TLR3: variants seen among roughly 807,000 people sequenced by gnomAD.
TLR3 encodes toll-like receptor 3.
In TLR3, 43 loss-of-function variants were observed where a neutral mutation model predicts 66.4. That is an observed-to-expected ratio of 0.65 (90% CI 0.51 to 0.83). TLR3 has a LOEUF of 0.83. Ranked by LOEUF, TLR3 falls within the 40% of genes least tolerant of loss-of-function variation. TLR3 has a pLI of 0.00. For synonymous variants in TLR3, 397 were observed against 397.2 expected (o/e 1.00, Z 0.01); for missense variants, 982 against 1,044.6 (o/e 0.94, Z 0.83).
intron 2 of TLR3, among the ~76,000 whole-genome samples, chr4:186,078,314 T>C (rs2099302791): frequency 6.6e-6 from 1 of 152,168 alleles, no homozygotes; most frequent in African/African-American, 2.4e-5. Context: ...TATTCTGTAC[T>C]AGTCATGACT....
At chr4:186,084,370 G>T (rs746876925) in intron 4 of TLR3, among the ~76,000 whole-genome samples, 198 bp downstream of exon 4, 1 of 151,920 alleles carries the variant, frequency 6.6e-6, no homozygotes, top group African/African-American at 2.4e-5. Context: ...ACAGGCACGC[G>T]CCACCAAGCC....
rs79099557 is a variant in TLR3 at position 186,071,614 on chromosome 4, C to T, written c.-8+2366C>T. Among the ~76,000 whole-genome samples the T allele has an allele frequency of 5.5e-3, 841 of 152,214 alleles. 8 individuals carry two copies. The highest frequency in any genetic ancestry group is 0.019 in the African/African-American group (786 of 41,536). ...CTGTGGATATAAAGAATGTGCACAG[C>T]TTTACAATGATTAGTGCCAGAGTTG... On this transcript the variant is annotated intron_variant, in intron 1 of 4. Coordinates refer to ENST00000296795, the MANE Select transcript of TLR3 (RefSeq NM_003265.3).
In TLR3 at chr4:186,085,671, G is replaced by A. The variant is rs946933784; in HGVS notation, c.*798G>A. On this transcript the variant is annotated 3_prime_UTR_variant, in exon 5 of 5. Transcript: ENST00000296795. ...GTTGGCAAAATCACTTGGTCCCACT[G>A]GGATTCTTTGACTCCTGATCTTGAA... 6.6e-6 allele frequency: 1 copy of A among 152,142 alleles called. No individual in the cohort carries two copies. Among genetic ancestry groups the A allele is most frequent in the Non-Finnish European group, 1.5e-5 (1 of 68,036 alleles). The allele number at this position is 152,142 out of a possible 1,614,324, so 9.4% of individuals were successfully genotyped here.
chr4:186,083,126 A>G lies in TLR3; in HGVS notation c.1440A>G (p.Pro480=). The G allele has an allele frequency of 6.2e-7, 1 of 1,614,194 alleles. No homozygotes were observed. Among genetic ancestry groups the G allele is most frequent in the Non-Finnish European group, 8.5e-7 (1 of 1,180,020 alleles). Residue 480 remains proline (P), a synonymous_variant, in exon 4 of 5, where the codon CCA becomes CCG. Transcript: ENST00000296795. The surrounding 1 kb of genome is among the most constrained non-coding windows in gnomAD (Gnocchi z 4.0). ...QLTRNSFALV[P]SLQRLMLRRV... The stretch of plus-strand genomic sequence containing the variant: ...CTAGGAACTCCTTTGCCTTGGTCCC[A>G]AGCCTTCAACGACTGATGCTCCGAA...
chr4:186,084,186 G>A lies in TLR3; in HGVS notation c.2486+14G>A, dbSNP rs376868309. 14 of 1,610,180 alleles carry A rather than the reference G, an allele frequency of 8.7e-6. No individual in the cohort carries two copies. In the East Asian group the frequency reaches 1.8e-4, roughly 21 times the overall value. ...ATTATGCAAAAGGTAGGTAAACATT[G>A]TGAAATTTTAAGTGTGTACTTGCTT... On this transcript the variant is annotated intron_variant, in intron 4 of 4. Coordinates refer to ENST00000296795, the MANE Select transcript of TLR3 (RefSeq NM_003265.3).
intron 3 of TLR3, 122 bp downstream of exon 3, chr4:186,079,153 C>A: frequency 3.2e-6 from 3 of 943,554 alleles, no homozygotes; most frequent in Non-Finnish European, 3.2e-6. Context: ...ATCCTTCCCA[C>A]CTACTGCTTG....
Position 186,083,554 on chromosome 4 carries a change from C to G in TLR3, c.1868C>G (p.Thr623Arg), listed in dbSNP as rs2150068054. The change falls in exon 4 of 5, where the codon ACA (threonine) becomes AGA (arginine). Residue 623 changes from threonine to arginine, a missense_variant. Coordinates refer to ENST00000296795, the MANE Select transcript of TLR3 (RefSeq NM_003265.3). This position sits in a 1 kb window ranked among gnomAD's most constrained non-coding sequence, Gnocchi z 4.0. ...KSLNLQKNLI[T>R]SVEKKVFGPA... ...TTGAACCTTCAGAAGAATCTCATAA[C>G]ATCCGTTGAGAAGAAGGTTTTCGGG... 1 of 1,613,122 alleles carries G rather than the reference C, an allele frequency of 6.2e-7. No homozygotes were observed. Among genetic ancestry groups the G allele is most frequent in the Admixed American group, 1.7e-5 (1 of 59,860 alleles).
At chr4:186,070,645 C>T (rs934359134) in intron 1 of TLR3, among the ~76,000 whole-genome samples, 1 of 150,996 alleles carries the variant, frequency 6.6e-6, no homozygotes, top group African/African-American at 2.4e-5. Context: ...GCCTCAGCTT[C>T]CTAAAGTGAT....
rs1228937909 is a variant in TLR3 at position 186,082,219 on chromosome 4, C to T, written c.634-101C>T. ...CAGCCTGGGCGACAGAGCGAGACTC[C>T]GTCTCAAAAAAAAAAAAAAAAAAAA... On this transcript the variant is annotated intron_variant, in intron 3 of 4. Transcript: ENST00000296795. The T allele has an allele frequency of 9.1e-5, 58 of 639,260 alleles. 1 individual carries two copies. The highest frequency in any genetic ancestry group is 2.0e-4 in the South Asian group (11 of 55,964). 39.6% of individuals were successfully genotyped at this position (639,260 alleles called of 1,614,324 possible).
At chr4:186,073,163 A>G (rs1251352304) in intron 1 of TLR3, among the ~76,000 whole-genome samples, 2 of 152,118 alleles carry the variant, frequency 1.3e-5, no homozygotes, top group African/African-American at 2.4e-5. Flanking sequence ...CGCTTAAAAC[A>G]TTTACTCGGT....
rs1238178118 is a variant in TLR3 at position 186,085,087 on chromosome 4, A to G, written c.*214A>G. On this transcript the variant is annotated 3_prime_UTR_variant, in exon 5 of 5. Transcript: ENST00000296795. ...CTTAATTTTACCCAAAATAAAACAT[A>G]TAAGCACGTAAGAACATTGTCTACT... 8.8e-6 allele frequency: 5 copies of G among 570,200 alleles called. No individual in the cohort carries two copies. Among genetic ancestry groups the G allele is most frequent in the African/African-American group, 7.5e-5 (4 of 53,232 alleles). The allele number at this position is 570,200 out of a possible 1,614,324, so 35.3% of individuals were successfully genotyped here.
intron 1 of TLR3, among the ~76,000 whole-genome samples, chr4:186,070,725 G>T (rs1376678205): frequency 4.6e-5 from 7 of 150,708 alleles, no homozygotes; most frequent in African/African-American, 1.5e-4. Context: ...TTTTTTAGAG[G>T]TAAGGTCTTG....
At position 186,083,071 on chromosome 4, in the gene TLR3, A is replaced by G. The variant is rs1312965236; in HGVS notation, c.1385A>G (p.Tyr462Cys). The change falls in exon 4 of 5, where the codon TAT becomes TGT. Residue 462 changes from tyrosine to cysteine, a missense_variant. Tyr to Cys is a radical substitution (Grantham distance 194, BLOSUM62 -2). Coordinates refer to ENST00000296795, the MANE Select transcript of TLR3 (RefSeq NM_003265.3). The surrounding 1 kb of genome is among the most constrained non-coding windows in gnomAD (Gnocchi z 4.0). Reference sequence around the variant, plus strand: ...GGTCTAGAAAATATTTTCGAAATCTATCTTTCCTACAACAAGTACCTGCAG... The same window carrying G: ...GGTCTAGAAAATATTTTCGAAATCTGTCTTTCCTACAACAAGTACCTGCAG... ...WRGLENIFEI[Y>C]LSYNKYLQLT... The G allele has an allele frequency of 3.1e-6, 5 of 1,614,190 alleles. No homozygotes were observed. The highest frequency in any genetic ancestry group is 4.5e-5 in the East Asian group (2 of 44,878).
In TLR3 at chr4:186,083,365, G is replaced by A; in HGVS notation, c.1679G>A (p.Gly560Asp). 1.2e-6 allele frequency: 2 copies of A among 1,614,138 alleles called. No homozygotes were observed. Among genetic ancestry groups the A allele is most frequent in the African/African-American group, 1.3e-5 (1 of 75,024 alleles). Reference sequence around the variant, plus strand: ...GGTGGTCCCATTTATTTCCTAAAGGGTCTGTCTCACCTCCACATCCTTAAC... The same window carrying A: ...GGTGGTCCCATTTATTTCCTAAAGGATCTGTCTCACCTCCACATCCTTAAC... ...NPGGPIYFLK[G>D]LSHLHILNLE... The change falls in exon 4 of 5, where the codon GGT (glycine) becomes GAT (aspartate). Residue 560 changes from glycine to aspartate, a missense_variant. By Grantham distance (94) the Gly-to-Asp change is moderately conservative. Transcript: ENST00000296795. This position sits in a 1 kb window ranked among gnomAD's most constrained non-coding sequence, Gnocchi z 4.0.
Position 186,079,044 on chromosome 4 carries a change from G to A in TLR3, c.633+13G>A. ...TCAAATTAAAGAGGTAAGAAGTAAG[G>A]TAAAATTATTTTGCATTCTGCCTTT... On this transcript the variant is annotated intron_variant, in intron 3 of 4. Coordinates refer to ENST00000296795, the MANE Select transcript of TLR3 (RefSeq NM_003265.3). 6.2e-7 allele frequency: 1 copy of A among 1,607,998 alleles called. No individual in the cohort carries two copies. The highest frequency in any genetic ancestry group is 8.5e-7 in the Non-Finnish European group (1 of 1,175,814).
At position 186,083,048 on chromosome 4, in the gene TLR3, T is replaced by A; in HGVS notation, c.1362T>A (p.Gly454=). The A allele has an allele frequency of 1.2e-6, 2 of 1,614,066 alleles. No homozygotes were observed. The highest frequency in any genetic ancestry group is 1.1e-5 in the South Asian group (1 of 91,074). ...GQELTGQEWR[G]LENIFEIYLS... ...AACTCACAGGCCAGGAATGGAGAGGTCTAGAAAATATTTTCGAAATCTATC... is the reference window on the plus strand; with the variant it reads ...AACTCACAGGCCAGGAATGGAGAGGACTAGAAAATATTTTCGAAATCTATC... Residue 454 remains glycine (G), a synonymous_variant, in exon 4 of 5, where the codon GGT becomes GGA. Transcript: ENST00000296795. This position sits in a 1 kb window ranked among gnomAD's most constrained non-coding sequence, Gnocchi z 4.0.
intron 3 of TLR3, among the ~76,000 whole-genome samples, chr4:186,081,358 A>T (rs1438127802): frequency 6.6e-6 from 1 of 151,880 alleles, no homozygotes. Flanking sequence ...TTCTCTCTGG[A>T]TTCCTCCTCT....
intron 2 of TLR3, among the ~76,000 whole-genome samples, chr4:186,077,465 TG>T (rs1474276019): frequency 2.0e-5 from 3 of 152,216 alleles, no homozygotes; most frequent in Non-Finnish European, 4.4e-5. Flanking sequence ...TCAAGTGAAT[TG>T]TTCAACTAAA....
rs200829053 is a variant in TLR3 at position 186,079,073 on chromosome 4, G to T, written c.633+42G>T. ...AATTATTTTGCATTCTGCCTTTAAG[G>T]TGGATAGTCCCTATCTGTGTCACAT... On this transcript the variant is annotated intron_variant, in intron 3 of 4. Transcript: ENST00000296795. The T allele has an allele frequency of 1.3e-5, 20 of 1,527,512 alleles. No individual in the cohort carries two copies. In the East Asian group the frequency reaches 4.3e-4, roughly 33 times the overall value. 94.6% of individuals were successfully genotyped at this position (1,527,512 alleles called of 1,614,324 possible).
Sources: allele counts gnomAD v4.1 joint callset (sites outside exome capture counted in the v4.1 genomes callset), GRCh38; gene constraint gnomAD v4.1.1; non-coding constraint Gnocchi (gnomAD v3.1); transcripts MANE v1.5; gene names NCBI Gene and HGNC (gene_info 2026-07-23, HGNC 2026-07-21).